Variants in KRT79 observed in about 807,000 individuals in gnomAD.
KRT79 encodes keratin 79.
Under a neutral mutation model 49.0 loss-of-function variants are expected in KRT79, and 51 were observed. That is an observed-to-expected ratio of 1.04 (90% confidence interval 0.83 to 1.31). The LOEUF (loss-of-function observed/expected upper bound fraction) is 1.31, where lower values mean the gene tolerates loss of function less well. KRT79 is among the 40% of genes most tolerant of loss of function. The pLI, the probability that KRT79 is intolerant of heterozygous loss-of-function variation, is 0.00. For synonymous variants in KRT79, 312 were observed against 286.6 expected, an observed-to-expected ratio of 1.09 and a Z score of -0.90; for missense variants, 728 against 688.0, an observed-to-expected ratio of 1.06 and a Z score of -0.65.
At chr12:52,822,973 A>T in intron 7 of KRT79, 43 bp downstream of exon 7, 1 of 1,589,206 alleles carries the variant, frequency 6.3e-7, no homozygotes. Flanking sequence ...CCCCCAGGGC[A>T]GGCCCGACCC....
chr12:52,828,563 C>T (rs1217027116), intron 4 of KRT79, among the ~76,000 whole-genome samples: 1 of 152,158 alleles, frequency 6.6e-6, no homozygotes, highest in Non-Finnish European at 1.5e-5. Context: ...TGGGATGACA[C>T]CACAGTGGCA....
rs1218660107 is a variant in KRT79 at position 52,821,466 on chromosome 12, G to A, written c.*406C>T. 1 of 216,140 alleles carries A rather than the reference G, an allele frequency of 4.6e-6. No homozygotes were observed. Among genetic ancestry groups the A allele is most frequent in the East Asian group, 1.3e-4 (1 of 7,824 alleles). 13.4% of individuals were successfully genotyped at this position (216,140 alleles called of 1,614,324 possible). A position where few individuals can be genotyped will look rare whatever the true frequency, so the allele number is the denominator to read the frequency against. ...GCTAGCTGCAGTTGCACCATTTATT[G>A]AGACACAGACAGGGAAGGGGGATGT... On this transcript the variant is annotated 3_prime_UTR_variant, in exon 9 of 9. Coordinates refer to ENST00000330553, the MANE Select transcript of KRT79 (RefSeq NM_175834.3).
Position 52,823,012 on chromosome 12 carries a change from C to G in KRT79, c.1367+4G>C, listed in dbSNP as rs1156726300. The stretch of plus-strand genomic sequence containing the variant: ...TTTCTGGGTCGGGCAGGAGGGGCCA[C>G]CACCTGCTCTCCTCGCTCTCCAGAA... On this transcript the variant is annotated splice_donor_region_variant and intron_variant, in intron 7 of 8. Coordinates refer to ENST00000330553, the MANE Select transcript of KRT79 (RefSeq NM_175834.3). 21 of 1,613,720 alleles carry G rather than the reference C, an allele frequency of 1.3e-5. No individual in the cohort carries two copies. The highest frequency in any genetic ancestry group is 1.8e-5 in the Non-Finnish European group (21 of 1,179,960).
rs1203077049 is a variant in KRT79, at chr12:52,821,613, C to CGCCGT, written c.*258_*259insACGGC. 2.0e-6 allele frequency: 1 copy of CGCCGT among 494,332 alleles called. No individual in the cohort carries two copies. The highest frequency in any genetic ancestry group is 3.6e-6 in the Non-Finnish European group (1 of 276,412). 30.6% of individuals were successfully genotyped at this position (494,332 alleles called of 1,614,324 possible). ...AGAAATTCAGCCTCCTCTCGGTGGT[C>CGCCGT]AAAAGGTCACCCCCAAGTCACCCAA... On this transcript the variant is annotated 3_prime_UTR_variant, in exon 9 of 9. Coordinates refer to ENST00000330553, the MANE Select transcript of KRT79 (RefSeq NM_175834.3).
intron 4 of KRT79, among the ~76,000 whole-genome samples, chr12:52,829,554 G>A (rs1274213521): frequency 6.6e-6 from 1 of 152,152 alleles, no homozygotes; most frequent in Non-Finnish European, 1.5e-5. Context: ...GTTTGCCCCC[G>A]TGCCTGGCCC....
In KRT79 at chr12:52,829,672, G is replaced by A. The variant is rs570300140; in HGVS notation, c.855+351C>T. On this transcript the variant is annotated intron_variant, in intron 4 of 8. Transcript: ENST00000330553. ...TCCCAGCACTTTGGGAGGCCAAGGC[G>A]GGTGGATCACCTGAGGTCAGGAGTT... Among the ~76,000 whole-genome samples, 145 of 152,300 alleles carry A rather than the reference G, an allele frequency of 9.5e-4. 2 individuals carry two copies. In the South Asian group the frequency reaches 0.019, roughly 20 times the overall value.
rs200262123 is a variant in KRT79, at chr12:52,823,113, G to C, written c.1270C>G (p.Arg424Gly). 1 of 1,614,188 alleles carries C rather than the reference G, an allele frequency of 6.2e-7. No individual in the cohort carries two copies. The highest frequency in any genetic ancestry group is 1.1e-5 in the South Asian group (1 of 91,078). The change falls in exon 7 of 9, where the codon CGG (arginine) becomes GGG (glycine). Residue 424 changes from arginine to glycine, a missense_variant. By Grantham distance (125) the Arg-to-Gly change is moderately radical. Transcript: ENST00000330553. ...AGCTCCTGGTAGTCACGCAGCAGCC[G>C]TGTCAGGTCCTCCTTGGCCTGGTGC... is the stretch of plus-strand genomic sequence containing the variant. ...ALHQAKEDLTRLLRDYQELMN... is the reference protein window; with the variant it reads ...ALHQAKEDLTGLLRDYQELMN...
Position 52,830,025 on chromosome 12 carries a change from T to C in KRT79, c.853A>G (p.Met285Val). 1 of 1,614,066 alleles carries C rather than the reference T, an allele frequency of 6.2e-7. No homozygotes were observed. Among genetic ancestry groups the C allele is most frequent in the Non-Finnish European group, 8.5e-7 (1 of 1,179,904 alleles). Residue 285 changes from methionine to valine, a missense_variant and splice_region_variant, in exon 4 of 9, where the codon ATG becomes GTG. Transcript: ENST00000330553. ...TCCCTGCCCATTGGCCACCTCACCA[T>C]TTCATAGAGTTGCTGCAGGAAGTCA... ...EIDFLQQLYE[M>V]ELSQVQTHVS...
At position 52,834,084 on chromosome 12, in the gene KRT79, G is replaced by C. The variant is rs191073791; in HGVS notation, c.177C>G (p.Ser59Arg). 1.2e-6 allele frequency: 2 copies of C among 1,613,174 alleles called. No individual in the cohort carries two copies. The highest frequency in any genetic ancestry group is 3.3e-5 in the Admixed American group (2 of 59,994). Residue 59 changes from serine (S) to arginine (R), a missense_variant, in exon 1 of 9, where the codon AGC becomes AGG. Coordinates refer to ENST00000330553, the MANE Select transcript of KRT79 (RefSeq NM_175834.3). ...HCGPGTGGFG[S>R]RSLYNLGGHK... ...GGCCCCCCAAGTTATAGAGGCTTCGGCTGCCAAAGCCACCTGTGCCGGGGC... is the reference window on the plus strand; with the variant it reads ...GGCCCCCCAAGTTATAGAGGCTTCGCCTGCCAAAGCCACCTGTGCCGGGGC...
At position 52,834,002 on chromosome 12, in the gene KRT79, C is replaced by T. The variant is rs774268069; in HGVS notation, c.259G>A (p.Gly87Ser). 1 of 1,612,288 alleles carries T rather than the reference C, an allele frequency of 6.2e-7. No homozygotes were observed. Among genetic ancestry groups the T allele is most frequent in the Non-Finnish European group, 8.5e-7 (1 of 1,179,054 alleles). ...GGALLGRALG[G>S]FGFGSRAFMG... is the part of the protein sequence containing the mutation. ...AATGCCCTGCTGCCAAAGCCAAAGC[C>T]CCCCAGAGCCCGCCCCAACAAGGCC... Residue 87 changes from glycine (G) to serine (S), a missense_variant, in exon 1 of 9, where the codon GGC becomes AGC. Coordinates refer to ENST00000330553, the MANE Select transcript of KRT79 (RefSeq NM_175834.3).
intron 1 of KRT79, 34 bp from the exon 2 acceptor site, chr12:52,831,660 C>T (rs1474801366): frequency 6.3e-7 from 1 of 1,576,706 alleles, no homozygotes; most frequent in Non-Finnish European, 8.7e-7. Flanking sequence ...GCTGATGTCA[C>T]CCTCCGGTCA....
chr12:52,825,803 G>A lies in KRT79; in HGVS notation c.856-1441C>T, dbSNP rs117541931. Among the ~76,000 whole-genome samples, 623 of 152,234 alleles carry A rather than the reference G, an allele frequency of 4.1e-3. 16 individuals are homozygous for A. The highest frequency in any genetic ancestry group is 0.026 in the Admixed American group (399 of 15,294). ...TGAGATCAAGTCCCCAGCCTAACACGCACTGGCTGTGTAGCTGATGTAGCA... is the reference window on the plus strand; with the variant it reads ...TGAGATCAAGTCCCCAGCCTAACACACACTGGCTGTGTAGCTGATGTAGCA... On this transcript the variant is annotated intron_variant, in intron 4 of 8. Transcript: ENST00000330553.
intron 2 of KRT79, 119 bp downstream of exon 2, chr12:52,831,287 G>A (rs1940249832): frequency 1.1e-6 from 1 of 888,946 alleles, no homozygotes; most frequent in East Asian, 2.4e-5. Flanking sequence ...GAGGGAGCCA[G>A]CTCTGTCTGT....
chr12:52,828,323 A>G (rs766451211), intron 4 of KRT79, among the ~76,000 whole-genome samples: 59 of 152,214 alleles, frequency 3.9e-4, no homozygotes, highest in Non-Finnish European at 1.0e-4. Context: ...CTTTAACCAC[A>G]AATTATTGGT....
chr12:52,833,041 A>G (rs998116591), intron 1 of KRT79, among the ~76,000 whole-genome samples: 1 of 152,184 alleles, frequency 6.6e-6, no homozygotes, highest in Non-Finnish European at 1.5e-5. Context: ...ATCGAGGTGG[A>G]CAATGCCAGC....
intron 1 of KRT79, 140 bp downstream of exon 1, chr12:52,833,644 C>A: frequency 1.3e-6 from 1 of 762,660 alleles, no homozygotes; most frequent in Admixed American, 2.1e-5. Context: ...GCATCCCAGG[C>A]TCAGACCGGG....
In KRT79 at chr12:52,824,232, C is replaced by T. The variant is rs1455395849; in HGVS notation, c.986G>A (p.Ser329Asn). 2 of 1,614,264 alleles carry T rather than the reference C, an allele frequency of 1.2e-6. No individual in the cohort carries two copies. The highest frequency in any genetic ancestry group is 1.1e-5 in the South Asian group (1 of 91,088). The change falls in exon 5 of 9, where the codon AGC (serine) becomes AAC (asparagine). Residue 329 changes from serine to asparagine, a missense_variant. Coordinates refer to ENST00000330553, the MANE Select transcript of KRT79 (RefSeq NM_175834.3). ...KAQYELIAQR[S>N]RAEAEAWYQT... ...GTACCAGGCCTCGGCCTCAGCCCGG[C>T]TCCTCTGGGCAATCAGCTCATACTG...
chr12:52,831,199 C>G (rs1169490105), intron 2 of KRT79, among the ~76,000 whole-genome samples: 2 of 152,202 alleles, frequency 1.3e-5, no homozygotes, highest in Non-Finnish European at 2.9e-5. Context: ...ACTATTCCCC[C>G]TACTTTAAAA....
In KRT79 at chr12:52,821,637, A is replaced by G. The variant is rs953259123; in HGVS notation, c.*235T>C. 5 of 551,638 alleles carry G rather than the reference A, an allele frequency of 9.1e-6. No homozygotes were observed. Among genetic ancestry groups the G allele is most frequent in the African/African-American group, 7.6e-5 (4 of 52,650 alleles). 34.2% of individuals were successfully genotyped at this position (551,638 alleles called of 1,614,324 possible). A position where few individuals can be genotyped will look rare whatever the true frequency, so the allele number is the denominator to read the frequency against. On this transcript the variant is annotated 3_prime_UTR_variant, in exon 9 of 9. Coordinates refer to ENST00000330553, the MANE Select transcript of KRT79 (RefSeq NM_175834.3). ...TCAAAAGGTCACCCCCAAGTCACCC[A>G]AGCACATCACTCAAGCTGGCAACTT... is the stretch of plus-strand genomic sequence containing the variant.
Sources: allele counts gnomAD v4.1 joint callset (sites outside exome capture counted in the v4.1 genomes callset), GRCh38; gene constraint gnomAD v4.1.1; transcripts MANE v1.5; gene names NCBI Gene and HGNC (gene_info 2026-07-23, HGNC 2026-07-21).